Variants in PRRC2C observed in about 807,000 individuals in gnomAD.
The protein encoded by PRRC2C is protein PRRC2C.
Under a neutral mutation model 317.2 loss-of-function variants are expected in PRRC2C, and 72 were observed. That is an observed-to-expected ratio of 0.23 (90% CI 0.19 to 0.28). The LOEUF (loss-of-function observed/expected upper bound fraction) is 0.28. PRRC2C is among the 10% of genes least tolerant of loss of function. The pLI is 1.00. For missense variants in PRRC2C, 3,074 were observed against 3,459.7 expected (o/e 0.89, Z 2.80); for synonymous variants, 1,296 against 1,205.9 (o/e 1.07, Z -1.55).
rs556504546 is a variant in PRRC2C, at chr1:171,551,385, C to T, written c.5127+1145C>T. Reference sequence around the variant, plus strand: ...AGCCCTTTGTCAGATGAGTAGATTGCAAAAATTTTCTCCCATTCTGTAGGT... The same window carrying T: ...AGCCCTTTGTCAGATGAGTAGATTGTAAAAATTTTCTCCCATTCTGTAGGT... On this transcript the variant is annotated intron_variant, in intron 18 of 34. Coordinates refer to ENST00000647382, the MANE Select transcript of PRRC2C (RefSeq NM_001387844.1). Among the ~76,000 whole-genome samples, 323 of 152,230 alleles carry T rather than the reference C, an allele frequency of 2.1e-3. 3 individuals carry two copies. The highest frequency in any genetic ancestry group is 0.02 in the South Asian group (96 of 4,828).
chr1:171,541,236 C>G lies in PRRC2C; in HGVS notation c.3770C>G (p.Pro1257Arg). The G allele has an allele frequency of 1.2e-6, 2 of 1,613,394 alleles. No individual in the cohort carries two copies. The highest frequency in any genetic ancestry group is 1.7e-6 in the Non-Finnish European group (2 of 1,179,788). ...GAGAGCTCTGATTTTGAAGTTGTCC[C>G]CAAAAGAAGACGACAGCGGGGTTCA... is the stretch of plus-strand genomic sequence containing the variant. ...RSESSDFEVV[P>R]KRRRQRGSET... The change falls in exon 16 of 35, where the codon CCC becomes CGC. Residue 1257 changes from proline (P) to arginine (R), a missense_variant. By Grantham distance (103) the Pro-to-Arg change is moderately radical. Transcript: ENST00000647382. The surrounding 1 kb of genome is among the most constrained non-coding windows in gnomAD (Gnocchi z 4.1).
chr1:171,549,989 G>GTTT, intron 17 of PRRC2C, 97 bp from the exon 18 acceptor site: 54 of 718,912 alleles, frequency 7.5e-5, no homozygotes, highest in Middle Eastern at 5.1e-4. Flanking sequence ...CCTTTGGCTA[G>GTTT]TTTTTTTTTT....
intron 15 of PRRC2C, among the ~76,000 whole-genome samples, chr1:171,538,665 T>G (rs1677310688): frequency 6.6e-6 from 1 of 152,238 alleles, no homozygotes; most frequent in Non-Finnish European, 1.5e-5. Context: ...CAGCATGGTC[T>G]TAACTTTGTT....
At chr1:171,486,220 C>G (rs575280083) in intron 1 of PRRC2C, among the ~76,000 whole-genome samples, 2 of 149,372 alleles carry the variant, frequency 1.3e-5, no homozygotes, top group African/African-American at 2.5e-5. Context: ...GTGGGACTTG[C>G]AATGAGCAAT....
At chr1:171,507,493 C>T (rs1030727194) in intron 1 of PRRC2C, among the ~76,000 whole-genome samples, 29 of 152,118 alleles carry the variant, frequency 1.9e-4, no homozygotes, top group African/African-American at 5.6e-4. Flanking sequence ...CGCCCGTAGT[C>T]CCAACTACTT....
intron 18 of PRRC2C, among the ~76,000 whole-genome samples, chr1:171,552,389 A>G (rs1680426129): frequency 6.6e-5 from 10 of 152,348 alleles, no homozygotes. Context: ...TTCTAAATAT[A>G]CAGTCATGTC....
intron 10 of PRRC2C, among the ~76,000 whole-genome samples, chr1:171,526,908 A>G (rs1477944639): frequency 7.0e-6 from 1 of 142,060 alleles, no homozygotes; most frequent in Non-Finnish European, 1.5e-5. Flanking sequence ...TCTCAGGTTC[A>G]AGCAATTCTT....
chr1:171,533,627 GGTT>G (rs909617555), intron 12 of PRRC2C, among the ~76,000 whole-genome samples: 3 of 151,976 alleles, frequency 2.0e-5, no homozygotes, highest in Admixed American at 6.6e-5. Flanking sequence ...TGGTGGTGGT[GGTT>G]GTTGTTGTTT....
intron 1 of PRRC2C, among the ~76,000 whole-genome samples, chr1:171,493,814 A>G (rs1362746797): frequency 6.6e-6 from 1 of 152,180 alleles, no homozygotes; most frequent in Non-Finnish European, 1.5e-5. Context: ...AAAAAAAAAG[A>G]GAAGAAATTA....
rs1221174523 is a variant in PRRC2C at position 171,559,505 on chromosome 1, GTTTGTTTTTTTTTTTTT to G, written c.6031+1366_6031+1382del. On this transcript the variant is annotated intron_variant, in intron 19 of 34. Transcript: ENST00000647382. ...ATCTGTTTACAAAATGGCATACCAA[GTTTGTTTTTTTTTTTTT>G]TTTTTTTTTTTTTTTTTTGAGACAG... Among the ~76,000 whole-genome samples, 294 of 95,134 alleles carry G rather than the reference GTTTGTTTTTTTTTTTTT, an allele frequency of 3.1e-3. 7 individuals are homozygous for G. Among genetic ancestry groups the G allele is most frequent in the Middle Eastern group, 7.0e-3 (1 of 142 alleles). 62.4% of individuals were successfully genotyped at this position (95,134 alleles called of 152,430 possible).
At chr1:171,591,171 G>T (rs1651331561) in intron 34 of PRRC2C, 2 of 991,180 alleles carry the variant, frequency 2.0e-6, no homozygotes, top group African/African-American at 3.5e-5. Context: ...GTGGGAAGAG[G>T]ACTCAGCCAC....
chr1:171,559,505 GTTTGTTTTTTTTTTTTTTT>G (rs1682175741), intron 19 of PRRC2C, among the ~76,000 whole-genome samples: 3 of 95,124 alleles, frequency 3.2e-5, no homozygotes, highest in Non-Finnish European at 5.9e-5. Flanking sequence ...GGCATACCAA[GTTTGTTTTTTTTTTTTTTT>G]TTTTTTTTTT....
rs192239894 is a variant in PRRC2C, at chr1:171,530,889, T to C, written c.1255-1454T>C. ...CCATATGACACAGGATTTTCACTTG[T>C]AGCTGTTTATCCAACAGCCAGGAAA... On this transcript the variant is annotated intron_variant, in intron 11 of 34. Coordinates refer to ENST00000647382, the MANE Select transcript of PRRC2C (RefSeq NM_001387844.1). 2.6e-5 allele frequency among the ~76,000 whole-genome samples: 4 copies of C among 152,330 alleles called. No homozygotes were observed. In the East Asian group the frequency reaches 7.7e-4, roughly 29 times the overall value.
intron 17 of PRRC2C, among the ~76,000 whole-genome samples, chr1:171,549,317 A>G (rs1190669551): frequency 6.6e-6 from 1 of 152,194 alleles, no homozygotes; most frequent in African/African-American, 2.4e-5. Flanking sequence ...TACTACAGGC[A>G]TGTGCCACAG....
Position 171,540,058 on chromosome 1 carries a change from T to A in PRRC2C, c.2592T>A (p.Phe864Leu). The A allele has an allele frequency of 6.2e-7, 1 of 1,613,938 alleles. No individual in the cohort carries two copies. Among genetic ancestry groups the A allele is most frequent in the Non-Finnish European group, 8.5e-7 (1 of 1,179,818 alleles). The change falls in exon 16 of 35, where the codon TTT becomes TTA. Residue 864 changes from phenylalanine (F) to leucine (L), a missense_variant. Around this residue, in one of 11 missense-constraint regions of PRRC2C, gnomAD observed 1,320 missense variants for 1,395.7 expected, o/e 0.95. Transcript: ENST00000647382. ...TAGAGGCTCACCCAAAGGCAGACTT[T>A]ATCAGAGAATCAAGTGAGGCACAAG... is the stretch of plus-strand genomic sequence containing the variant. ...NQLEAHPKADFIRESSEAQVQ... is the reference protein window; with the variant it reads ...NQLEAHPKADLIRESSEAQVQ...
At chr1:171,587,894 T>C (rs552421480) in intron 32 of PRRC2C, 143 bp downstream of exon 32, 2 of 598,050 alleles carry the variant, frequency 3.3e-6, no homozygotes, top group Admixed American at 3.1e-5. Context: ...TTGTCTAAAA[T>C]GTTAAGCTTT....
At chr1:171,502,719 A>G (rs1317706096) in intron 1 of PRRC2C, among the ~76,000 whole-genome samples, 5 of 152,136 alleles carry the variant, frequency 3.3e-5, no homozygotes, top group Non-Finnish European at 4.4e-5. Flanking sequence ...AGTAGGCCTT[A>G]AAAGGACGTT....
rs780651497 is a variant in PRRC2C at position 171,527,863 on chromosome 1, T to C, written c.1254+19T>C. The C allele has an allele frequency of 1.9e-6, 3 of 1,552,914 alleles. No homozygotes were observed. Among genetic ancestry groups the C allele is most frequent in the Non-Finnish European group, 2.6e-6 (3 of 1,142,634 alleles). On this transcript the variant is annotated intron_variant, in intron 11 of 34. Transcript: ENST00000647382. ...ACAGCAGGTAAATTTTAAGTGCTTG[T>C]TTATGGATTATATATTTTATTTGAC...
Position 171,541,586 on chromosome 1 carries a change from G to T in PRRC2C, c.4120G>T (p.Asp1374Tyr), listed in dbSNP as rs745396316. 1 of 1,613,788 alleles carries T rather than the reference G, an allele frequency of 6.2e-7. No individual in the cohort carries two copies. Residue 1374 changes from aspartate (D) to tyrosine (Y), a missense_variant, in exon 16 of 35, where the codon GAC becomes TAC. Asp to Tyr is a radical substitution (Grantham distance 160). This residue lies in a region of PRRC2C where 1,320 missense variants were observed against 1,395.7 expected (regional missense o/e 0.95). Coordinates refer to ENST00000647382, the MANE Select transcript of PRRC2C (RefSeq NM_001387844.1). The surrounding 1 kb of genome is among the most constrained non-coding windows in gnomAD (Gnocchi z 4.1). ...PSTLRRPAYR[D>Y]NQWNPRQSEV... ...CACTTTACGAAGACCAGCTTATCGG[G>T]ACAATCAGTGGAACCCAAGGCAGTC...
Sources: gnomAD v4.1 joint callset for allele counts (sites outside exome capture counted in the v4.1 genomes callset) on GRCh38, gnomAD v4.1.1 for gene constraint, gnomAD v4.1.1 regional missense constraint, Gnocchi (gnomAD v3.1) non-coding constraint, MANE v1.5 for transcripts, NCBI Gene and HGNC (gene_info 2026-07-23, HGNC 2026-07-21) for gene names.